The following CAMK1D variants were observed in gnomAD, a reference collection of about 807,000 sequenced individuals.
CAMK1D encodes the protein calcium/calmodulin dependent protein kinase ID, also known as calcium/calmodulin-dependent protein kinase type 1D.
CAMK1D carries 9 observed loss-of-function variants against 47.7 expected under a neutral mutation model. That is an observed-to-expected ratio of 0.19 (90% CI 0.11 to 0.33). The LOEUF (loss-of-function observed/expected upper bound fraction) is 0.33, where lower values mean the gene tolerates loss of function less well. Ranked by LOEUF, CAMK1D falls within the 10% of genes least tolerant of loss-of-function variation. The pLI is 1.00. For missense variants in CAMK1D, 291 were observed against 488.7 expected (o/e 0.60, Z 3.81); for synonymous variants, 184 against 184.9 (o/e 0.99, Z 0.04).
intron 3 of CAMK1D, among the ~76,000 whole-genome samples, chr10:12,688,517 T>TC (rs1400860005): frequency 6.6e-6 from 1 of 152,196 alleles, no homozygotes; most frequent in Non-Finnish European, 1.5e-5. Context: ...AGTTTTTTTT[T>TC]CTTGCCATGT....
chr10:12,679,970 T>A (rs1214195462), intron 3 of CAMK1D, among the ~76,000 whole-genome samples: 2 of 152,232 alleles, frequency 1.3e-5, no homozygotes, highest in Non-Finnish European at 2.9e-5. Flanking sequence ...CTCTAAAATG[T>A]AAGCTACACA....
chr10:12,668,834 G>A (rs1020604540), intron 3 of CAMK1D, among the ~76,000 whole-genome samples: 14 of 152,124 alleles, frequency 9.2e-5, no homozygotes, highest in Non-Finnish European at 7.4e-5. Context: ...ACAAAGCCTG[G>A]AAGTCATATG....
intron 3 of CAMK1D, among the ~76,000 whole-genome samples, chr10:12,757,808 C>A (rs981675838): frequency 5.3e-5 from 8 of 151,202 alleles, no homozygotes; most frequent in African/African-American, 1.7e-4. Flanking sequence ...GTTCTGGTCT[C>A]CTTCTTCTTA....
intron 6 of CAMK1D, among the ~76,000 whole-genome samples, chr10:12,811,492 T>C (rs184486829): frequency 6.6e-6 from 1 of 152,366 alleles, no homozygotes; most frequent in East Asian, 1.9e-4. Flanking sequence ...TTTTTCTTAA[T>C]TTTGACTTAC....
chr10:12,439,681 A>G (rs1832729080), intron 1 of CAMK1D, among the ~76,000 whole-genome samples: 1 of 152,258 alleles, frequency 6.6e-6, no homozygotes, highest in African/African-American at 2.4e-5. Flanking sequence ...TGTCTTTGAT[A>G]TAAGACGAAT....
At chr10:12,683,869 A>AC (rs1260676661) in intron 3 of CAMK1D, among the ~76,000 whole-genome samples, 1 of 151,738 alleles carries the variant, frequency 6.6e-6, no homozygotes, top group Non-Finnish European at 1.5e-5. Flanking sequence ...ACTTATTCAG[A>AC]CCCCTAGTGA....
rs76530535 is a variant in CAMK1D at position 12,815,489 on chromosome 10, G to A, written c.755-761G>A. On this transcript the variant is annotated intron_variant, in intron 7 of 10. Transcript: ENST00000619168. ...CCTGGAGTATAGTTGTACAAGGCTCGCGGGAAAGAGCCACATGGGAAGTAT... is the reference window on the plus strand; with the variant it reads ...CCTGGAGTATAGTTGTACAAGGCTCACGGGAAAGAGCCACATGGGAAGTAT... 2.9e-3 allele frequency among the ~76,000 whole-genome samples: 439 copies of A among 152,340 alleles called. 2 individuals carry two copies. The highest frequency in any genetic ancestry group is 0.01 in the African/African-American group (416 of 41,582).
intron 9 of CAMK1D, among the ~76,000 whole-genome samples, chr10:12,825,176 T>A (rs200232798): frequency 0.048 from 12 of 250 alleles, no homozygotes; most frequent in Non-Finnish European, 0.075. Context: ...TTGCCATTAC[T>A]TTTGCACCAA....
chr10:12,624,212 G>A lies in CAMK1D; in HGVS notation c.225-42524G>A, dbSNP rs574299043. The stretch of plus-strand genomic sequence containing the variant: ...TATATCCCCATATGAGAGTGTGTGC[G>A]TGTGTGTGTGTGTGTAAATTTTCTT... On this transcript the variant is annotated intron_variant, in intron 2 of 10. Coordinates refer to ENST00000619168, the MANE Select transcript of CAMK1D (RefSeq NM_153498.4). Among the ~76,000 whole-genome samples, 15 of 150,828 alleles carry A rather than the reference G, an allele frequency of 9.9e-5. No individual in the cohort carries two copies. In the East Asian group the frequency reaches 2.5e-3, roughly 25 times the overall value.
intron 1 of CAMK1D, among the ~76,000 whole-genome samples, chr10:12,397,679 C>T (rs1839012223): frequency 6.6e-6 from 1 of 152,144 alleles, no homozygotes; most frequent in African/African-American, 2.4e-5. Context: ...ATGAGTGAAC[C>T]TCCTTGAAGT....
intron 2 of CAMK1D, among the ~76,000 whole-genome samples, chr10:12,614,169 C>T (rs1419314378): frequency 1.3e-5 from 2 of 152,202 alleles, no homozygotes; most frequent in Non-Finnish European, 2.9e-5. Flanking sequence ...CTCTGAGTCT[C>T]GGTTTCCTTA....
chr10:12,722,702 T>A (rs1834448171), intron 3 of CAMK1D, among the ~76,000 whole-genome samples: 1 of 152,102 alleles, frequency 6.6e-6, no homozygotes. Context: ...AGTTCAAAGG[T>A]CCTTACCATT....
At position 12,564,143 on chromosome 10, in the gene CAMK1D, CTCTG is replaced by C. The variant is rs1482471341; in HGVS notation, c.224+10791_224+10794del. 3.3e-3 allele frequency among the ~76,000 whole-genome samples: 439 copies of C among 132,398 alleles called. 3 individuals carry two copies. Among genetic ancestry groups the C allele is most frequent in the East Asian group, 0.024 (97 of 4,080 alleles). The allele number at this position is 132,398 out of a possible 152,430, so 86.9% of individuals were successfully genotyped here. On this transcript the variant is annotated intron_variant, in intron 2 of 10. Coordinates refer to ENST00000619168, the MANE Select transcript of CAMK1D (RefSeq NM_153498.4). Reference sequence around the variant, plus strand: ...TGTCTCTCTCTCTCTCTCTCTCTCTCTCTGTCTCTCTCTCTCTCTCTCTCTCTCT... The same window carrying C: ...TGTCTCTCTCTCTCTCTCTCTCTCTCTCTCTCTCTCTCTCTCTCTCTCTCT...
In CAMK1D at chr10:12,734,358, A is replaced by C. The variant is rs1317069570; in HGVS notation, c.300-26590A>C. The stretch of plus-strand genomic sequence containing the variant: ...AAAAAAAAAAAAAATATATATATAT[A>C]TATATATATATATATATATAGATAT... On this transcript the variant is annotated intron_variant, in intron 3 of 10. Transcript: ENST00000619168. Among the ~76,000 whole-genome samples the C allele has an allele frequency of 2.3e-3, 7 of 3,022 alleles. 1 individual carries two copies. Among genetic ancestry groups the C allele is most frequent in the African/African-American group, 4.3e-3 (7 of 1,640 alleles). The allele number at this position is 3,022 out of a possible 152,430, so 2.0% of individuals were successfully genotyped here. A position where few individuals can be genotyped will look rare whatever the true frequency, so the allele number is the denominator to read the frequency against.
chr10:12,687,019 C>T (rs1327318031), intron 3 of CAMK1D, among the ~76,000 whole-genome samples: 2 of 152,048 alleles, frequency 1.3e-5, no homozygotes, highest in African/African-American at 2.4e-5. Context: ...AAAAAAATTT[C>T]ATTTTTCTGG....
chr10:12,557,308 G>C (rs1836791700), intron 2 of CAMK1D, among the ~76,000 whole-genome samples: 1 of 152,162 alleles, frequency 6.6e-6, no homozygotes, highest in Admixed American at 6.5e-5. Flanking sequence ...CCAGCACTTT[G>C]GGAGGCTGAG....
intron 1 of CAMK1D, among the ~76,000 whole-genome samples, chr10:12,368,093 G>A (rs1036235947): frequency 3.9e-5 from 6 of 152,106 alleles, no homozygotes; most frequent in Non-Finnish European, 7.4e-5. Flanking sequence ...TCGGGAGGCT[G>A]AGGCAGGAGA....
At chr10:12,759,206 G>A (rs551701920) in intron 3 of CAMK1D, among the ~76,000 whole-genome samples, 236 of 152,266 alleles carry the variant, frequency 1.5e-3, no homozygotes, top group African/African-American at 5.3e-3. Context: ...AAAATTAGCC[G>A]GGTGTGGTGG....
At chr10:12,388,889 TAG>T (rs913213423) in intron 1 of CAMK1D, among the ~76,000 whole-genome samples, 14 of 152,214 alleles carry the variant, frequency 9.2e-5, no homozygotes, top group African/African-American at 3.1e-4. Context: ...CGTGCTGTTC[TAG>T]AAAGCCTGTC....
Sources: gnomAD v4.1 joint callset for allele counts (sites outside exome capture counted in the v4.1 genomes callset) on GRCh38, gnomAD v4.1.1 for gene constraint, MANE v1.5 for transcripts, NCBI Gene and HGNC (gene_info 2026-07-23, HGNC 2026-07-21) for gene names.